The following RPL13A variants were observed in gnomAD, a reference collection of about 807,000 sequenced individuals.
RPL13A encodes the protein ribosomal protein L13a.
A neutral mutation model predicts 30.8 loss-of-function variants in RPL13A; 4 were observed. The ratio of observed to expected loss-of-function variants is 0.13; its 90% CI spans 0.06 to 0.30. The LOEUF (loss-of-function observed/expected upper bound fraction) is 0.30. RPL13A is among the 10% of genes least tolerant of loss of function. RPL13A has a pLI of 1.00. For missense variants in RPL13A, 196 were observed against 272.6 expected, an observed-to-expected ratio of 0.72 and a Z score of 1.98; for synonymous variants, 108 against 104.2, an observed-to-expected ratio of 1.04 and a Z score of -0.22.
At chr19:49,488,091 T>G (rs1174429668) in intron 1 of RPL13A, among the ~76,000 whole-genome samples, 4 of 152,188 alleles carry the variant, frequency 2.6e-5, no homozygotes, top group Non-Finnish European at 1.5e-5. Context: ...CGGGCTACTT[T>G]GATTTCACGT....
In RPL13A at chr19:49,491,921, G is replaced by GC; in HGVS notation, c.*109dup. On this transcript the variant is annotated 3_prime_UTR_variant, in exon 8 of 8. Coordinates refer to ENST00000391857, the MANE Select transcript of RPL13A (RefSeq NM_012423.4). ...AGCAGCAGTCCAGGTGCCACAGGCAGCCCTGGGACATAGGAAGCTGGGAGC... is the reference window on the plus strand; with the variant it reads ...AGCAGCAGTCCAGGTGCCACAGGCAGCCCCTGGGACATAGGAAGCTGGGAGC... 1 of 853,244 alleles carries GC rather than the reference G, an allele frequency of 1.2e-6. No individual in the cohort carries two copies. The highest frequency in any genetic ancestry group is 1.9e-6 in the Non-Finnish European group (1 of 536,236). 52.9% of individuals were successfully genotyped at this position (853,244 alleles called of 1,614,324 possible). A position where few individuals can be genotyped will look rare whatever the true frequency, so the allele number is the denominator to read the frequency against.
chr19:49,487,988 G>A (rs1420473089), intron 1 of RPL13A, among the ~76,000 whole-genome samples: 1 of 152,088 alleles, frequency 6.6e-6, no homozygotes, highest in African/African-American at 2.4e-5. Context: ...CCTCAGCGAT[G>A]AGGAACACGC....
chr19:49,491,400 T>TCAC (rs1555806958), intron 6 of RPL13A, 25 bp from the exon 7 acceptor site: 1 of 976,862 alleles, frequency 1.0e-6, no homozygotes, highest in Non-Finnish European at 1.4e-6. Context: ...CTTCATTTGT[T>TCAC]CACCCCCCCC....
At chr19:49,490,649 C>G (rs771769638) in intron 4 of RPL13A, 73 bp downstream of exon 4, 3 of 1,576,626 alleles carry the variant, frequency 1.9e-6, no homozygotes, top group Non-Finnish European at 2.6e-6. Flanking sequence ...CACTCACATT[C>G]GAGTTTCCCG....
intron 3 of RPL13A, 79 bp downstream of exon 3, chr19:49,490,376 T>C: frequency 6.3e-7 from 1 of 1,588,288 alleles, no homozygotes; most frequent in Non-Finnish European, 8.6e-7. Context: ...TGCAGCCGTG[T>C]TGGGAGAGGC....
rs534670648 is a variant in RPL13A, at chr19:49,489,261, C to T, written c.16-589C>T. On this transcript the variant is annotated intron_variant, in intron 1 of 7. Transcript: ENST00000391857. ...CTGTAATCCGAGCATTTTGGAAGGCCGAGGCACACGGTTCACTTGAAGCGA... is the reference window on the plus strand; with the variant it reads ...CTGTAATCCGAGCATTTTGGAAGGCTGAGGCACACGGTTCACTTGAAGCGA... Among the ~76,000 whole-genome samples the T allele has an allele frequency of 3.9e-5, 6 of 152,064 alleles. No individual in the cohort carries two copies. The South Asian group carries it at 1.2e-3, about 32-fold the overall frequency.
At chr19:49,491,569 G>A (rs1204318745) in intron 7 of RPL13A, 22 bp downstream of exon 7, 1 of 1,553,722 alleles carries the variant, frequency 6.4e-7, no homozygotes, top group Non-Finnish European at 8.7e-7. Flanking sequence ...GGCTGGTGCT[G>A]AGGGGGGCAT....
At position 49,491,850 on chromosome 19, in the gene RPL13A, C is replaced by T; in HGVS notation, c.*35C>T. On this transcript the variant is annotated 3_prime_UTR_variant, in exon 8 of 8. Transcript: ENST00000391857. Reference sequence around the variant, plus strand: ...AGACTGTTAATTCCTCATGCGTTGCCTGCCCTTCCTCCATTGTTGCCCTGG... The same window carrying T: ...AGACTGTTAATTCCTCATGCGTTGCTTGCCCTTCCTCCATTGTTGCCCTGG... 1.3e-6 allele frequency: 2 copies of T among 1,516,234 alleles called. No homozygotes were observed. The highest frequency in any genetic ancestry group is 1.8e-6 in the Non-Finnish European group (2 of 1,109,100). 93.9% of individuals were successfully genotyped at this position (1,516,234 alleles called of 1,614,324 possible). A position where few individuals can be genotyped will look rare whatever the true frequency, so the allele number is the denominator to read the frequency against.
chr19:49,491,372 G>A (rs1225706478), intron 6 of RPL13A, 53 bp from the exon 7 acceptor site: 10 of 1,453,156 alleles, frequency 6.9e-6, no homozygotes, highest in Admixed American at 1.8e-5. Flanking sequence ...GGGTGTGGGG[G>A]CTTAGATATC....
In RPL13A at chr19:49,491,542, C is replaced by T. The variant is rs2079871122; in HGVS notation, c.520C>T (p.Leu174Phe). The T allele has an allele frequency of 1.3e-6, 2 of 1,547,644 alleles. No individual in the cohort carries two copies. The highest frequency in any genetic ancestry group is 2.4e-5 in the East Asian group (1 of 41,820). Residue 174 changes from leucine (L) to phenylalanine (F), a missense_variant, in exon 7 of 8, where the codon CTC becomes TTC. Leu to Phe is a conservative substitution (Grantham distance 22). Coordinates refer to ENST00000391857, the MANE Select transcript of RPL13A (RefSeq NM_012423.4). ...AKIHYRKKKQLMRLRKQAEKN... is the reference protein window; with the variant it reads ...AKIHYRKKKQFMRLRKQAEKN... The stretch of plus-strand genomic sequence containing the variant: ...GATCCACTACCGGAAGAAGAAACAG[C>T]TCATGGTGAGGCCAGGGGCTGGTGC...
rs772901229 is a variant in RPL13A, at chr19:49,490,533, C to T, written c.213C>T (p.Tyr71=). 3 of 1,614,152 alleles carry T rather than the reference C, an allele frequency of 1.9e-6. No individual in the cohort carries two copies. The highest frequency in any genetic ancestry group is 2.2e-5 in the South Asian group (2 of 91,088). The change falls in exon 4 of 8, where the codon TAC becomes TAT. Residue 71 remains tyrosine, a synonymous_variant. Coordinates refer to ENST00000391857, the MANE Select transcript of RPL13A (RefSeq NM_012423.4). ...ACACCAACCCTTCCCGAGGCCCCTACCACTTCCGGGCCCCCAGCCGCATCT... is the reference window on the plus strand; with the variant it reads ...ACACCAACCCTTCCCGAGGCCCCTATCACTTCCGGGCCCCCAGCCGCATCT... The part of the protein sequence containing the change: ...RMNTNPSRGP[Y]HFRAPSRIFW...
chr19:49,489,938 T>A lies in RPL13A; in HGVS notation c.88+16T>A, dbSNP rs766167864. 6.2e-7 allele frequency: 1 copy of A among 1,607,338 alleles called. No individual in the cohort carries two copies. Among genetic ancestry groups the A allele is most frequent in the East Asian group, 2.2e-5 (1 of 44,844 alleles). On this transcript the variant is annotated intron_variant, in intron 2 of 7. Transcript: ENST00000391857. ...GTACTGCTGGGTAAGTCGCTGCTCG[T>A]GGCCCCTCTGTCATGGGCCCCCGCT...
At chr19:49,487,757 G>A (rs1478797913) in intron 1 of RPL13A, 113 bp downstream of exon 1, 14 of 1,140,640 alleles carry the variant, frequency 1.2e-5, no homozygotes, top group South Asian at 1.7e-5. Flanking sequence ...CCATAATGAA[G>A]CAAAATGGAA....
At chr19:49,488,352 A>C (rs1279833324) in intron 1 of RPL13A, among the ~76,000 whole-genome samples, 2 of 152,076 alleles carry the variant, frequency 1.3e-5, no homozygotes, top group African/African-American at 4.8e-5. Context: ...TAGCTACTTA[A>C]GTATAAAGGA....
intron 1 of RPL13A, 58 bp from the exon 2 acceptor site, chr19:49,489,792 G>C: frequency 7.4e-7 from 1 of 1,349,296 alleles, no homozygotes; most frequent in Non-Finnish European, 1.1e-6. Flanking sequence ...ATGCTTGCTT[G>C]TGAGGACAAT....
At chr19:49,488,398 CTGT>C (rs1329225818) in intron 1 of RPL13A, among the ~76,000 whole-genome samples, 5 of 152,140 alleles carry the variant, frequency 3.3e-5, no homozygotes, top group African/African-American at 4.8e-5. Flanking sequence ...TGTGAGTAGT[CTGT>C]TGTTGGGGCG....
At chr19:49,489,088 C>G (rs1327978361) in intron 1 of RPL13A, among the ~76,000 whole-genome samples, 1 of 152,372 alleles carries the variant, frequency 6.6e-6, no homozygotes, top group African/African-American at 2.4e-5. Context: ...GCAGAGCTAG[C>G]ATGGGCTTTT....
chr19:49,489,534 C>T (rs951619521), intron 1 of RPL13A, among the ~76,000 whole-genome samples: 2 of 152,164 alleles, frequency 1.3e-5, no homozygotes, highest in Admixed American at 6.5e-5. Context: ...AGTCAGTGGG[C>T]AGAGCCTTGC....
rs1458621471 is a variant in RPL13A, at chr19:49,490,375, G to A, written c.154+78G>A. 6 of 1,588,788 alleles carry A rather than the reference G, an allele frequency of 3.8e-6. No individual in the cohort carries two copies. In the Admixed American group the frequency reaches 1.0e-4, roughly 27 times the overall value. ...AGGCTCTGAAAGCAATTGCAGCCGT[G>A]TTGGGAGAGGCTACTTGGGGTTTCT... On this transcript the variant is annotated intron_variant, in intron 3 of 7. Transcript: ENST00000391857.
Sources: allele counts gnomAD v4.1 joint callset (sites outside exome capture counted in the v4.1 genomes callset), GRCh38; gene constraint gnomAD v4.1.1; transcripts MANE v1.5; gene names NCBI Gene and HGNC (gene_info 2026-07-23, HGNC 2026-07-21).